The following LINC01488 variants were observed in gnomAD, a reference collection of about 807,000 sequenced individuals.
LINC01488 encodes long independently transcribed non-coding RNA 1488, also known as CCND1-upstream intergenic DNA repair 1.
chr11:69,490,950 C>A (rs555552814), intron 2 of LINC01488: 5 of 152,294 alleles, frequency 3.3e-5, no homozygotes, highest in Admixed American at 2.6e-4. Flanking sequence ...GCAAGACCTC[C>A]CCCTGGAATT....
At chr11:69,488,822 G>A (rs937936496) in intron 1 of LINC01488, among the ~76,000 whole-genome samples, 22 of 152,250 alleles carry the variant, frequency 1.4e-4, no homozygotes, top group East Asian at 1.2e-3. Context: ...TTTGAGTGCC[G>A]GGGGCACCAC....
At chr11:69,488,373 G>C (rs939043158) in intron 1 of LINC01488, 2 of 152,328 alleles carry the variant, frequency 1.3e-5, no homozygotes, top group African/African-American at 4.8e-5. Flanking sequence ...TGGCCAACGA[G>C]CAACGGAGCC....
intron 1 of LINC01488, among the ~76,000 whole-genome samples, chr11:69,489,138 G>A (rs1857173663): frequency 1.3e-5 from 2 of 152,096 alleles, no homozygotes; most frequent in South Asian, 2.1e-4. Flanking sequence ...GGATTGGGGG[G>A]AGCTGGACCA....
chr11:69,486,844 C>G (rs1265561860), intron 1 of LINC01488, among the ~76,000 whole-genome samples: 4 of 151,994 alleles, frequency 2.6e-5, no homozygotes, highest in African/African-American at 9.7e-5. Context: ...GCTGGCCCTG[C>G]TCCTGGCCCT....
At chr11:69,484,419 C>T (rs1035637750) in intron 1 of LINC01488, among the ~76,000 whole-genome samples, 1 of 152,204 alleles carries the variant, frequency 6.6e-6, no homozygotes, top group Admixed American at 6.5e-5. Context: ...GCTTCTTGTC[C>T]ACCTCCAGAA....
At chr11:69,492,144 A>C (rs538345023) in exon 4 of LINC01488, 1 of 152,370 alleles carries the variant, frequency 6.6e-6, no homozygotes, top group African/African-American at 2.4e-5. Context: ...GAGAGAGACC[A>C]CGATGGAAGC....
chr11:69,483,729 C>A (rs962465596), intron 1 of LINC01488, among the ~76,000 whole-genome samples: 1 of 152,220 alleles, frequency 6.6e-6, no homozygotes, highest in Non-Finnish European at 1.5e-5. Flanking sequence ...GAGAGAAATG[C>A]AGGCGTGATG....
At chr11:69,483,663 C>A (rs905137299) in intron 1 of LINC01488, among the ~76,000 whole-genome samples, 1 of 152,186 alleles carries the variant, frequency 6.6e-6, no homozygotes, top group African/African-American at 2.4e-5. Context: ...GGGGCTTTTG[C>A]TTAGCAGAGG....
At chr11:69,489,550 G>T (rs192310085) in intron 1 of LINC01488, among the ~76,000 whole-genome samples, 1 of 152,240 alleles carries the variant, frequency 6.6e-6, no homozygotes, top group Non-Finnish European at 1.5e-5. Context: ...CCCTGGAGCC[G>T]GAGGCTTGGC....
At position 69,486,902 on chromosome 11, in the gene LINC01488, G is replaced by A. The variant is rs575223945; in HGVS notation, n.123-3593G>A. Among the ~76,000 whole-genome samples, 16 of 152,332 alleles carry A rather than the reference G, an allele frequency of 1.1e-4. 1 individual carries two copies. The South Asian group carries it at 3.3e-3, about 32-fold the overall frequency. ...TCCAGGCAGACAGGGAAATGTGGAT[G>A]TCAGCTCTGAACCACCACATTCCTG... On this transcript the variant is annotated intron_variant and non_coding_transcript_variant, in intron 1 of 3. Transcript: ENST00000644563.
At chr11:69,484,107 G>A (rs892219675) in intron 1 of LINC01488, among the ~76,000 whole-genome samples, 2 of 152,214 alleles carry the variant, frequency 1.3e-5, no homozygotes, top group African/African-American at 4.8e-5. Flanking sequence ...CCCTGTGTCA[G>A]CTCCAGGGAA....
At chr11:69,483,937 A>C (rs955523374) in intron 1 of LINC01488, among the ~76,000 whole-genome samples, 1 of 152,148 alleles carries the variant, frequency 6.6e-6, no homozygotes, top group Non-Finnish European at 1.5e-5. Flanking sequence ...GCCTTTGTCT[A>C]AGGCAGCCGA....
chr11:69,487,590 C>T (rs999442428), intron 1 of LINC01488, among the ~76,000 whole-genome samples: 6 of 152,160 alleles, frequency 3.9e-5, no homozygotes, highest in East Asian at 1.9e-4. Context: ...TGTTCCCCGT[C>T]GGTCATGGCG....
chr11:69,482,054 T>A (rs922970706), intron 1 of LINC01488, among the ~76,000 whole-genome samples: 1 of 151,432 alleles, frequency 6.6e-6, no homozygotes, highest in Non-Finnish European at 1.5e-5. Flanking sequence ...TAGTCTATTC[T>A]CATGCTGCTA....
At chr11:69,487,018 C>T (rs1283484500) in intron 1 of LINC01488, among the ~76,000 whole-genome samples, 11 of 152,332 alleles carry the variant, frequency 7.2e-5, no homozygotes, top group Middle Eastern at 3.4e-3. Flanking sequence ...CCTACTCTGC[C>T]GCCTCTGCAT....
intron 1 of LINC01488, among the ~76,000 whole-genome samples, chr11:69,486,449 TG>T (rs1857119871): frequency 6.6e-6 from 1 of 152,212 alleles, no homozygotes; most frequent in South Asian, 2.1e-4. Context: ...TGCCTGAGCT[TG>T]GCTTGTGATT....
chr11:69,492,139 A>C (rs1857232345), exon 4 of LINC01488: 1 of 152,254 alleles, frequency 6.6e-6, no homozygotes, highest in African/African-American at 2.4e-5. Flanking sequence ...GACTGGAGAG[A>C]GACCACGATG....
intron 3 of LINC01488, chr11:69,491,807 G>C (rs1857225328): frequency 6.6e-6 from 1 of 152,598 alleles, no homozygotes; most frequent in African/African-American, 2.4e-5. Context: ...CAGGCAAGGA[G>C]ATCGGGAGCA....
chr11:69,487,223 G>A (rs745795436), intron 1 of LINC01488, among the ~76,000 whole-genome samples: 5 of 152,210 alleles, frequency 3.3e-5, no homozygotes, highest in Non-Finnish European at 2.9e-5. Flanking sequence ...AGAGAGTAGC[G>A]GGAGGGAGGA....
Sources: gnomAD v4.1 joint callset for allele counts (sites outside exome capture counted in the v4.1 genomes callset) on GRCh38, gnomAD v4.1.1 for gene constraint, MANE v1.5 for transcripts, NCBI Gene and HGNC (gene_info 2026-07-23, HGNC 2026-07-21) for gene names.